Variants in GSE1 observed in about 807,000 individuals in gnomAD.
GSE1 encodes the protein genetic suppressor element 1.
GSE1 carries 32 observed loss-of-function variants against 112.6 expected under a neutral mutation model. That is an observed-to-expected ratio of 0.28 (90% CI 0.21 to 0.38). The LOEUF (loss-of-function observed/expected upper bound fraction) is 0.38, where lower values mean the gene tolerates loss of function less well. GSE1 is among the 10% of genes least tolerant of loss of function. The pLI is 1.00. For missense variants in GSE1, 2,348 were observed against 1,699.2 expected (o/e 1.38, Z -6.71); for synonymous variants, 1,115 against 735.6 (o/e 1.52, Z -8.35).
At chr16:85,427,119 C>T (rs1325091744) in intron 2 of GSE1, among the ~76,000 whole-genome samples, 1 of 152,164 alleles carries the variant, frequency 6.6e-6, no homozygotes, top group East Asian at 1.9e-4. Context: ...CCAGCACCAG[C>T]ACTGTGAGTC....
At chr16:85,423,792 T>G (rs557954442) in intron 2 of GSE1, among the ~76,000 whole-genome samples, 1 of 152,072 alleles carries the variant, frequency 6.6e-6, no homozygotes, top group East Asian at 1.9e-4. Flanking sequence ...GCACTTGCTC[T>G]CCCTTCTCCT....
chr16:85,479,382 T>G (rs913664640), intron 2 of GSE1, among the ~76,000 whole-genome samples: 1 of 151,666 alleles, frequency 6.6e-6, no homozygotes, highest in African/African-American at 2.4e-5. Flanking sequence ...TTGGCCAGGC[T>G]GGTCTCAAAC....
intron 13 of GSE1, chr16:85,666,707 A>T (rs1307015797): frequency 3.9e-6 from 1 of 259,332 alleles, no homozygotes; most frequent in Admixed American, 5.1e-5. Flanking sequence ...TTTTACCCGC[A>T]TTCATTTGAA....
intron 2 of GSE1, among the ~76,000 whole-genome samples, chr16:85,474,527 G>C (rs1464962380): frequency 3.3e-5 from 5 of 152,052 alleles, no homozygotes; most frequent in Non-Finnish European, 5.9e-5. Flanking sequence ...AATTAAACCC[G>C]GGTGCCTGTG....
chr16:85,478,271 C>T (rs1174821503), intron 2 of GSE1, among the ~76,000 whole-genome samples: 3 of 152,072 alleles, frequency 2.0e-5, no homozygotes, highest in Non-Finnish European at 2.9e-5. Flanking sequence ...TCATGCCTGT[C>T]ATCGCAGCAC....
chr16:85,625,551 A>G (rs541787949), intron 1 of GSE1, among the ~76,000 whole-genome samples: 3 of 152,194 alleles, frequency 2.0e-5, no homozygotes, highest in Non-Finnish European at 4.4e-5. Context: ...GCACTGTCCA[A>G]TGCTGTTGTG....
At position 85,644,895 on chromosome 16, in the gene GSE1, AT is replaced by A. The variant is rs1180088103; in HGVS notation, c.227-3649del. 2.0e-3 allele frequency among the ~76,000 whole-genome samples: 303 copies of A among 151,308 alleles called. 2 individuals are homozygous for A. Among genetic ancestry groups the A allele is most frequent in the Non-Finnish European group, 2.4e-3 (162 of 67,798 alleles). ...AACAACGATCCTTTCCCTAGTTTTT[AT>A]TTTTTTTCCCCAAAAACTTAAAGTG... On this transcript the variant is annotated intron_variant, in intron 2 of 15. Transcript: ENST00000253458.
chr16:85,541,121 G>A (rs1227009797), intron 2 of GSE1, among the ~76,000 whole-genome samples: 1 of 152,144 alleles, frequency 6.6e-6, no homozygotes, highest in Admixed American at 6.5e-5. Flanking sequence ...GTCAGGGTGG[G>A]AGTAGGCAGC....
chr16:85,504,042 C>T (rs936019451), intron 2 of GSE1, among the ~76,000 whole-genome samples: 4 of 152,362 alleles, frequency 2.6e-5, no homozygotes, highest in Admixed American at 6.5e-5. Context: ...ATCCTCCGCC[C>T]GCCCTCTGCC....
intron 1 of GSE1, among the ~76,000 whole-genome samples, chr16:85,247,017 C>T (rs866458579): frequency 2.4e-4 from 36 of 152,064 alleles, no homozygotes; most frequent in Non-Finnish European, 4.9e-4. Context: ...AGGGGGGCAC[C>T]GCCTTCTTCT....
intron 1 of GSE1, among the ~76,000 whole-genome samples, chr16:85,614,584 G>A (rs918278699): frequency 6.6e-6 from 1 of 152,220 alleles, no homozygotes; most frequent in Non-Finnish European, 1.5e-5. Flanking sequence ...TTTCCACGTG[G>A]TGGGCCGGGG....
intron 2 of GSE1, among the ~76,000 whole-genome samples, chr16:85,498,871 C>T (rs568816871): frequency 1.3e-5 from 2 of 152,350 alleles, no homozygotes; most frequent in South Asian, 4.1e-4. Flanking sequence ...GTGGCAGGGC[C>T]ATTGTGGTTA....
At chr16:85,203,998 C>T (rs1482663162) in intron 1 of GSE1, among the ~76,000 whole-genome samples, 3 of 152,156 alleles carry the variant, frequency 2.0e-5, no homozygotes, top group Admixed American at 2.0e-4. Flanking sequence ...CTCCTGGGCT[C>T]AAGCAGTCTT....
At chr16:85,298,251 C>T (rs2045421826) in intron 1 of GSE1, among the ~76,000 whole-genome samples, 1 of 152,062 alleles carries the variant, frequency 6.6e-6, no homozygotes, top group South Asian at 2.1e-4. Flanking sequence ...GAGCCTGGCC[C>T]CATCCCTCAG....
At chr16:85,638,656 C>T (rs1271151970) in intron 2 of GSE1, among the ~76,000 whole-genome samples, 1 of 144,142 alleles carries the variant, frequency 6.9e-6, no homozygotes, top group African/African-American at 2.6e-5. Flanking sequence ...CCCACCCCCG[C>T]CTCCCCTTCC....
At chr16:85,278,271 C>G (rs959948446) in intron 1 of GSE1, among the ~76,000 whole-genome samples, 1 of 152,336 alleles carries the variant, frequency 6.6e-6, no homozygotes, top group East Asian at 1.9e-4. Context: ...ACCCTCTCTT[C>G]TTGCTCCTGA....
At chr16:85,386,763 G>A (rs532310708) in intron 2 of GSE1, among the ~76,000 whole-genome samples, 77 of 152,194 alleles carry the variant, frequency 5.1e-4, no homozygotes, top group Non-Finnish European at 1.0e-3. Flanking sequence ...CAGCTCCCCC[G>A]CCATGCTGCC....
chr16:85,336,987 C>T (rs2046503202), intron 1 of GSE1, among the ~76,000 whole-genome samples: 1 of 114,452 alleles, frequency 8.7e-6, no homozygotes, highest in Non-Finnish European at 1.8e-5. Flanking sequence ...CATGGGCACA[C>T]ACACAGACAT....
intron 1 of GSE1, among the ~76,000 whole-genome samples, chr16:85,208,754 G>T (rs2075165356): frequency 6.6e-6 from 1 of 151,664 alleles, no homozygotes; most frequent in African/African-American, 2.4e-5. Context: ...CTCTAGATTA[G>T]CGGATGGGGG....
Sources: gnomAD v4.1 joint callset for allele counts (sites outside exome capture counted in the v4.1 genomes callset) on GRCh38, gnomAD v4.1.1 for gene constraint, MANE v1.5 for transcripts, NCBI Gene and HGNC (gene_info 2026-07-23, HGNC 2026-07-21) for gene names.